NUP37: variants seen among roughly 807,000 people sequenced by gnomAD.
NUP37 encodes the protein nucleoporin Nup37.
NUP37 carries 33 observed loss-of-function variants against 45.4 expected under a neutral mutation model. That is an observed-to-expected ratio of 0.73 (90% confidence interval 0.55 to 0.97). NUP37 has a LOEUF of 0.97. Among genes scored for constraint, NUP37 ranks in the 50% least tolerant of loss-of-function variants. NUP37 has a pLI of 0.00. For missense variants in NUP37, 365 were observed against 389.7 expected (o/e 0.94, Z 0.53); for synonymous variants, 127 against 130.7 (o/e 0.97, Z 0.19).
intron 8 of NUP37, among the ~76,000 whole-genome samples, chr12:102,076,502 T>C (rs2136710579): frequency 6.6e-6 from 1 of 152,282 alleles, no homozygotes; most frequent in African/African-American, 2.4e-5. Flanking sequence ...TACATTTACA[T>C]CCTTAACAGC....
At chr12:102,107,380 T>C (rs1261798113) in intron 3 of NUP37, among the ~76,000 whole-genome samples, 1 of 152,178 alleles carries the variant, frequency 6.6e-6, no homozygotes, top group Non-Finnish European at 1.5e-5. Context: ...TTGGTTGTCC[T>C]GTCAGTCTAT....
chr12:102,101,110 AGC>A lies in NUP37; in HGVS notation c.282-8_282-7del, dbSNP rs1363454976. 1 of 1,552,214 alleles carries A rather than the reference AGC, an allele frequency of 6.4e-7. No individual in the cohort carries two copies. The highest frequency in any genetic ancestry group is 1.2e-5 in the South Asian group (1 of 82,000). On this transcript the variant is annotated splice_region_variant and splice_polypyrimidine_tract_variant and intron_variant, in intron 3 of 9. Transcript: ENST00000552283. ...CAGCAGCTGAAGTACAAAATCTGGA[AGC>A]AAAAAAACAAAAATATACCAATTTT...
intron 5 of NUP37, 65 bp from the exon 6 acceptor site, chr12:102,085,921 T>G: frequency 1.3e-6 from 1 of 746,786 alleles, no homozygotes; most frequent in Non-Finnish European, 2.2e-6. Flanking sequence ...AAATTAAATT[T>G]CCATGAATTT....
At chr12:102,089,303 C>T (rs1184819555) in intron 5 of NUP37, among the ~76,000 whole-genome samples, 1 of 151,890 alleles carries the variant, frequency 6.6e-6, no homozygotes, top group Non-Finnish European at 1.5e-5. Flanking sequence ...CAGAGGCGCT[C>T]CTCACTTCCC....
chr12:102,111,842 G>A (rs1880324919), intron 3 of NUP37, among the ~76,000 whole-genome samples: 1 of 152,204 alleles, frequency 6.6e-6, no homozygotes, highest in South Asian at 2.1e-4. Context: ...AATCTGTAAA[G>A]ACCTTGATTC....
At chr12:102,095,612 T>C (rs763618635) in intron 5 of NUP37, among the ~76,000 whole-genome samples, 9 of 152,114 alleles carry the variant, frequency 5.9e-5, no homozygotes, top group Non-Finnish European at 1.2e-4. Flanking sequence ...GTTTCAGTAA[T>C]GGCACCTTTT....
intron 3 of NUP37, among the ~76,000 whole-genome samples, chr12:102,104,594 T>G (rs1169194983): frequency 1.3e-5 from 2 of 152,224 alleles, no homozygotes; most frequent in African/African-American, 4.8e-5. Context: ...AGGAGTTTTA[T>G]AGTTTCAGGT....
At chr12:102,101,321 C>T (rs1333947260) in intron 3 of NUP37, among the ~76,000 whole-genome samples, 1 of 152,066 alleles carries the variant, frequency 6.6e-6, no homozygotes, top group Non-Finnish European at 1.5e-5. Flanking sequence ...ATTTTGAGAA[C>T]ACACAAAAGG....
At chr12:102,087,252 C>A (rs1393581164) in intron 5 of NUP37, among the ~76,000 whole-genome samples, 1 of 152,150 alleles carries the variant, frequency 6.6e-6, no homozygotes, top group Non-Finnish European at 1.5e-5. Flanking sequence ...AATGTGTAGG[C>A]AAAAATTTAT....
chr12:102,089,041 A>G (rs1879562583), intron 5 of NUP37, among the ~76,000 whole-genome samples: 1 of 152,218 alleles, frequency 6.6e-6, no homozygotes, highest in African/African-American at 2.4e-5. Context: ...GTTATAGATT[A>G]ACAGCATCCC....
chr12:102,083,906 C>T (rs1413119919), intron 6 of NUP37, among the ~76,000 whole-genome samples: 1 of 152,150 alleles, frequency 6.6e-6, no homozygotes, highest in African/African-American at 2.4e-5. Context: ...CCTTGTGAGA[C>T]AGTAGTGGAG....
chr12:102,090,236 CT>C (rs911783018), intron 5 of NUP37, among the ~76,000 whole-genome samples: 50 of 145,006 alleles, frequency 3.4e-4, no homozygotes, highest in Admixed American at 4.8e-4. Flanking sequence ...TTTCTCAACT[CT>C]TTTTTTTTTT....
At chr12:102,075,227 G>C (rs112682727) in intron 8 of NUP37, 133 bp from the exon 9 acceptor site, 30 of 509,140 alleles carry the variant, frequency 5.9e-5, no homozygotes, top group Non-Finnish European at 8.9e-5. Flanking sequence ...CCAGGCTGGA[G>C]TGCAGAAGTG....
chr12:102,092,533 C>A (rs1429871178), intron 5 of NUP37, among the ~76,000 whole-genome samples: 1 of 152,132 alleles, frequency 6.6e-6, no homozygotes, highest in East Asian at 1.9e-4. Context: ...TAATCAATTA[C>A]TAAGTTAATC....
intron 3 of NUP37, among the ~76,000 whole-genome samples, chr12:102,111,364 G>A (rs1880312823): frequency 1.3e-5 from 2 of 152,098 alleles, no homozygotes; most frequent in South Asian, 4.1e-4. Flanking sequence ...GGTGTGGGTT[G>A]TACAAATATA....
At chr12:102,105,182 T>C (rs1299183814) in intron 3 of NUP37, among the ~76,000 whole-genome samples, 1 of 152,230 alleles carries the variant, frequency 6.6e-6, no homozygotes, top group African/African-American at 2.4e-5. Flanking sequence ...GGGGATACTG[T>C]GCACTACATT....
chr12:102,108,242 A>C (rs1880212569), intron 3 of NUP37, among the ~76,000 whole-genome samples: 1 of 152,132 alleles, frequency 6.6e-6, no homozygotes. Flanking sequence ...AACTAGAAAA[A>C]ACAGACAGAT....
intron 5 of NUP37, among the ~76,000 whole-genome samples, chr12:102,087,370 A>C (rs998602107): frequency 2.0e-5 from 3 of 152,246 alleles, no homozygotes; most frequent in Non-Finnish European, 4.4e-5. Context: ...CTAAATGTTG[A>C]AATATCATAG....
At position 102,077,408 on chromosome 12, in the gene NUP37, C is replaced by T. The variant is rs1879203381; in HGVS notation, c.636G>A (p.Met212Ile). 1.9e-6 allele frequency: 3 copies of T among 1,614,028 alleles called. No individual in the cohort carries two copies. Among genetic ancestry groups the T allele is most frequent in the African/African-American group, 2.7e-5 (2 of 74,934 alleles). Residue 212 changes from methionine (M) to isoleucine (I), a missense_variant, in exon 7 of 10, where the codon ATG becomes ATA. Physicochemically the swap from Met to Ile is conservative, Grantham distance 10. Transcript: ENST00000552283. ...TGTTTTTTAAGCACCAGTGTGCTGA[C>T]ATTAATGGCACTTGTTCTGATTCAA... ...LSLESEQVPL[M>I]SAHWCLKNTF...
Sources: gnomAD v4.1 joint callset for allele counts (sites outside exome capture counted in the v4.1 genomes callset) on GRCh38, gnomAD v4.1.1 for gene constraint, MANE v1.5 for transcripts, NCBI Gene and HGNC (gene_info 2026-07-23, HGNC 2026-07-21) for gene names.